The following VWC2L variants were observed in gnomAD, a reference collection of about 807,000 sequenced individuals.
The protein encoded by VWC2L is von Willebrand factor C domain containing 2 like.
Under a neutral mutation model 21.6 loss-of-function variants are expected in VWC2L, and 10 were observed. The observed-to-expected ratio is 0.46, with a 90% confidence interval of 0.29 to 0.78. The LOEUF (loss-of-function observed/expected upper bound fraction) is 0.78. Among genes scored for constraint, VWC2L ranks in the 30% least tolerant of loss-of-function variants. The pLI is 0.10. For synonymous variants in VWC2L, 96 were observed against 94.3 expected (o/e 1.02, Z -0.10); for missense variants, 209 against 277.1 (o/e 0.75, Z 1.74).
At chr2:214,429,377 T>A (rs946391677) in intron 2 of VWC2L, among the ~76,000 whole-genome samples, 1 of 152,182 alleles carries the variant, frequency 6.6e-6, no homozygotes, top group African/African-American at 2.4e-5. Context: ...TCCTGAGTAT[T>A]TCACAAGTAT....
chr2:214,519,029 T>C (rs192777905), intron 3 of VWC2L, among the ~76,000 whole-genome samples: 7 of 152,310 alleles, frequency 4.6e-5, no homozygotes, highest in African/African-American at 1.4e-4. Context: ...GCAATGAGCA[T>C]TGTGACAAAA....
At chr2:214,442,561 G>C (rs2126181084) in intron 3 of VWC2L, among the ~76,000 whole-genome samples, 1 of 152,178 alleles carries the variant, frequency 6.6e-6, no homozygotes, top group Non-Finnish European at 1.5e-5. Flanking sequence ...AGAACAGGAA[G>C]TAAGAAGTGG....
intron 3 of VWC2L, among the ~76,000 whole-genome samples, chr2:214,522,557 G>A (rs892957252): frequency 6.6e-6 from 1 of 152,028 alleles, no homozygotes; most frequent in Admixed American, 6.6e-5. Flanking sequence ...GAATAAGTGT[G>A]TCATGGAGAA....
At chr2:214,558,982 T>C (rs899191412) in intron 3 of VWC2L, among the ~76,000 whole-genome samples, 5 of 151,950 alleles carry the variant, frequency 3.3e-5, no homozygotes, top group African/African-American at 1.2e-4. Context: ...TAACTCGTCA[T>C]CTAGCATTAG....
intron 3 of VWC2L, among the ~76,000 whole-genome samples, chr2:214,521,443 A>T (rs1456866882): frequency 6.6e-6 from 1 of 152,128 alleles, no homozygotes; most frequent in Non-Finnish European, 1.5e-5. Flanking sequence ...CTAATTCTGC[A>T]TTTCCTGCTT....
At chr2:214,482,475 A>G (rs1351151064) in intron 3 of VWC2L, among the ~76,000 whole-genome samples, 2 of 151,066 alleles carry the variant, frequency 1.3e-5, no homozygotes, top group African/African-American at 4.9e-5. Context: ...ACACATATAT[A>G]CGTGTATGTA....
chr2:214,421,389 G>A (rs952639218), intron 2 of VWC2L, among the ~76,000 whole-genome samples: 5 of 152,170 alleles, frequency 3.3e-5, no homozygotes, highest in Non-Finnish European at 7.4e-5. Context: ...CATTTTAAGA[G>A]AATTGATGGT....
intron 3 of VWC2L, among the ~76,000 whole-genome samples, chr2:214,561,822 A>G (rs1244295910): frequency 1.4e-5 from 2 of 147,562 alleles, no homozygotes; most frequent in Non-Finnish European, 3.0e-5. Context: ...ACACACATAT[A>G]TAATTTTATA....
intron 3 of VWC2L, among the ~76,000 whole-genome samples, chr2:214,450,802 A>G (rs1702942309): frequency 6.6e-6 from 1 of 152,202 alleles, no homozygotes; most frequent in Admixed American, 6.5e-5. Context: ...TGTTTTCTCA[A>G]TGGCTGGTCT....
rs2126168527 is a variant in VWC2L at position 214,414,642 on chromosome 2, C to T, written c.390+59C>T. 7.2e-6 allele frequency: 11 copies of T among 1,532,648 alleles called. No individual in the cohort carries two copies. The East Asian group carries it at 1.8e-4, about 25-fold the overall frequency. 94.9% of individuals were successfully genotyped at this position (1,532,648 alleles called of 1,614,324 possible). A position where few individuals can be genotyped will look rare whatever the true frequency, so the allele number is the denominator to read the frequency against. ...AACTTTTCATACCACGTGCTTAGTA[C>T]ATTGCTACATTAAAGTCAGAGTTGG... On this transcript the variant is annotated intron_variant, in intron 2 of 3. Transcript: ENST00000312504.
chr2:214,501,721 CAAAAAAAAAAAAAAA>C (rs776608301), intron 3 of VWC2L, among the ~76,000 whole-genome samples: 1 of 79,108 alleles, frequency 1.3e-5, no homozygotes, highest in African/African-American at 4.9e-5. Context: ...GACTCTGTCT[CAAAAAAAAAAAAAAA>C]AAAAAAAAGA....
At chr2:214,484,684 G>C (rs989156405) in intron 3 of VWC2L, among the ~76,000 whole-genome samples, 2 of 152,090 alleles carry the variant, frequency 1.3e-5, no homozygotes, top group South Asian at 4.1e-4. Flanking sequence ...AGTTTTTAAA[G>C]CTCAAACATT....
intron 2 of VWC2L, among the ~76,000 whole-genome samples, chr2:214,430,713 T>C (rs367887995): frequency 3.3e-5 from 5 of 152,310 alleles, no homozygotes; most frequent in African/African-American, 9.6e-5. Context: ...CTCCAGAATG[T>C]ATTATCAAAA....
chr2:214,474,841 G>A (rs1688485301), intron 3 of VWC2L, among the ~76,000 whole-genome samples: 1 of 152,124 alleles, frequency 6.6e-6, no homozygotes, highest in Non-Finnish European at 1.5e-5. Flanking sequence ...AATGTATTGT[G>A]TCTATTATCA....
At chr2:214,489,326 T>C (rs1688714952) in intron 3 of VWC2L, among the ~76,000 whole-genome samples, 1 of 152,150 alleles carries the variant, frequency 6.6e-6, no homozygotes, top group African/African-American at 2.4e-5. Context: ...AAATAGAATA[T>C]AAATTTTTGT....
At chr2:214,437,817 T>C (rs1396214440) in intron 3 of VWC2L, among the ~76,000 whole-genome samples, 1 of 152,174 alleles carries the variant, frequency 6.6e-6, no homozygotes, top group Non-Finnish European at 1.5e-5. Context: ...TAAGTAGCTC[T>C]GGTTATTTCT....
chr2:214,531,005 A>G (rs1689424809), intron 3 of VWC2L, among the ~76,000 whole-genome samples: 1 of 152,194 alleles, frequency 6.6e-6, no homozygotes, highest in Non-Finnish European at 1.5e-5. Context: ...ACCCACCCAC[A>G]CAGTAATTTG....
At chr2:214,475,756 A>T (rs553305180) in intron 3 of VWC2L, among the ~76,000 whole-genome samples, 3 of 152,176 alleles carry the variant, frequency 2.0e-5, no homozygotes, top group Non-Finnish European at 2.9e-5. Context: ...AAAAAAAAAA[A>T]AATGTAAAAC....
chr2:214,462,324 T>C (rs1418064482), intron 3 of VWC2L, among the ~76,000 whole-genome samples: 2 of 152,202 alleles, frequency 1.3e-5, no homozygotes, highest in Non-Finnish European at 2.9e-5. Flanking sequence ...ACTTACCCTG[T>C]CCCTGCACTG....
Sources: allele counts gnomAD v4.1 joint callset (sites outside exome capture counted in the v4.1 genomes callset), GRCh38; gene constraint gnomAD v4.1.1; transcripts MANE v1.5; gene names NCBI Gene and HGNC (gene_info 2026-07-23, HGNC 2026-07-21).